Variants in UGP2 observed in about 807,000 individuals in gnomAD.
UGP2 encodes UTP--glucose-1-phosphate uridylyltransferase.
A neutral mutation model predicts 49.0 loss-of-function variants in UGP2; 40 were observed. That is an observed-to-expected ratio of 0.82 (90% CI 0.63 to 1.06). UGP2 has a LOEUF of 1.06. Among genes scored for constraint, UGP2 ranks in the 50% least tolerant of loss-of-function variants. UGP2 has a pLI of 0.00. For missense variants in UGP2, 460 were observed against 603.5 expected, an observed-to-expected ratio of 0.76 and a Z score of 2.49; for synonymous variants, 225 against 213.0, an observed-to-expected ratio of 1.06 and a Z score of -0.49.
intron 3 of UGP2, among the ~76,000 whole-genome samples, chr2:63,858,927 C>T (rs1035758478): frequency 7.3e-4 from 98 of 134,800 alleles, no homozygotes; most frequent in African/African-American, 2.6e-3. Context: ...TAGGAATTAC[C>T]CTAATTTAAG....
intron 2 of UGP2, chr2:63,856,871 G>A (rs35253921): frequency 0.21 from 95,997 of 454,210 alleles, 12,217 homozygotes; most frequent in Non-Finnish European, 0.26. Context: ...TTTTTTACTT[G>A]TAAATCAATA....
At chr2:63,842,721 G>T in intron 1 of UGP2, 1 of 947,006 alleles carries the variant, frequency 1.1e-6, no homozygotes, top group Middle Eastern at 3.6e-4. Context: ...GAAGAAGCTG[G>T]AGGTCATTTC....
chr2:63,871,837 A>T (rs149554153), intron 3 of UGP2, among the ~76,000 whole-genome samples: 230 of 152,328 alleles, frequency 1.5e-3, no homozygotes, highest in African/African-American at 5.3e-3. Flanking sequence ...ATTTTAGGAG[A>T]AGAAGCATGG....
At chr2:63,887,126 A>G (rs1293371485) in intron 7 of UGP2, among the ~76,000 whole-genome samples, 1 of 152,082 alleles carries the variant, frequency 6.6e-6, no homozygotes, top group African/African-American at 2.4e-5. Context: ...CTAGCTGGGT[A>G]GGTGGCACAT....
chr2:63,856,615 A>C (rs935725271), intron 2 of UGP2, 182 bp downstream of exon 2: 1 of 654,914 alleles, frequency 1.5e-6, no homozygotes, highest in Non-Finnish European at 2.6e-6. Context: ...GCCCTTTGTA[A>C]ATCCATTATC....
At chr2:63,883,470 GGT>G (rs1671447189) in intron 4 of UGP2, 1 of 152,564 alleles carries the variant, frequency 6.6e-6, no homozygotes, top group Non-Finnish European at 1.5e-5. Flanking sequence ...TTTCAGCTGG[GGT>G]GTGATTCAAA....
chr2:63,871,229 G>T (rs1182255661), intron 3 of UGP2, among the ~76,000 whole-genome samples: 1 of 151,898 alleles, frequency 6.6e-6, no homozygotes, highest in Non-Finnish European at 1.5e-5. Context: ...TAATCCCCTG[G>T]CAAGCACCAT....
At chr2:63,890,733 A>G (rs764147655) in intron 9 of UGP2, among the ~76,000 whole-genome samples, 27 of 152,204 alleles carry the variant, frequency 1.8e-4, no homozygotes, top group Non-Finnish European at 2.9e-4. Context: ...TCTTATCAGT[A>G]AACTGTTATA....
intron 1 of UGP2, among the ~76,000 whole-genome samples, chr2:63,844,652 C>G (rs1269194524): frequency 6.6e-6 from 1 of 152,162 alleles, no homozygotes; most frequent in Non-Finnish European, 1.5e-5. Flanking sequence ...GCCTTGATCT[C>G]CTTGGCTTAA....
chr2:63,877,184 C>T (rs1670963888), intron 3 of UGP2, among the ~76,000 whole-genome samples: 1 of 151,868 alleles, frequency 6.6e-6, no homozygotes, highest in Non-Finnish European at 1.5e-5. Context: ...CACCATAATG[C>T]ACATCTATAA....
chr2:63,886,622 T>C, intron 7 of UGP2, 84 bp downstream of exon 7: 2 of 1,453,698 alleles, frequency 1.4e-6, no homozygotes, highest in Non-Finnish European at 1.9e-6. Context: ...CCACTCCCTC[T>C]GTCCCATCTA....
At chr2:63,857,736 C>G (rs1267700630) in intron 2 of UGP2, 93 bp from the exon 3 acceptor site, 1 of 1,255,868 alleles carries the variant, frequency 8.0e-7, no homozygotes. Context: ...TTTCATTTAA[C>G]GATATTTTAA....
At chr2:63,889,999 G>A (rs1371752044) in intron 8 of UGP2, 82 bp from the exon 9 acceptor site, 1 of 1,123,086 alleles carries the variant, frequency 8.9e-7, no homozygotes, top group African/African-American at 1.6e-5. Context: ...CTACAGTTCA[G>A]TTAAACTTTC....
intron 3 of UGP2, among the ~76,000 whole-genome samples, chr2:63,863,864 T>C (rs1670009104): frequency 6.6e-6 from 1 of 152,186 alleles, no homozygotes; most frequent in East Asian, 1.9e-4. Flanking sequence ...GTGACTAGAC[T>C]AAATATGGAA....
At chr2:63,842,693 C>A (rs957125564) in intron 1 of UGP2, 1 of 1,208,766 alleles carries the variant, frequency 8.3e-7, no homozygotes, top group Admixed American at 3.4e-5. Context: ...TCACTTATTG[C>A]GAAACTGGGA....
intron 1 of UGP2, among the ~76,000 whole-genome samples, chr2:63,844,923 C>G (rs1184386338): frequency 3.3e-5 from 5 of 152,188 alleles, no homozygotes; most frequent in African/African-American, 1.2e-4. Context: ...TTTGTTGCTT[C>G]TAACATTAAC....
chr2:63,870,732 C>T (rs986645941), intron 3 of UGP2, among the ~76,000 whole-genome samples: 5 of 152,120 alleles, frequency 3.3e-5, no homozygotes, highest in Non-Finnish European at 7.4e-5. Context: ...GGGGAGCTAA[C>T]CTGTTCGTTT....
At chr2:63,871,719 T>C (rs1209552980) in intron 3 of UGP2, among the ~76,000 whole-genome samples, 2 of 152,244 alleles carry the variant, frequency 1.3e-5, no homozygotes, top group African/African-American at 4.8e-5. Flanking sequence ...GGGGGTTGTT[T>C]ATATGGCAGC....
At chr2:63,871,664 C>A (rs1252456781) in intron 3 of UGP2, among the ~76,000 whole-genome samples, 1 of 152,228 alleles carries the variant, frequency 6.6e-6, no homozygotes, top group Non-Finnish European at 1.5e-5. Flanking sequence ...TTACATATTA[C>A]TGGTTTTGCT....
Sources: allele counts gnomAD v4.1 joint callset (sites outside exome capture counted in the v4.1 genomes callset), GRCh38; gene constraint gnomAD v4.1.1; transcripts MANE v1.5; gene names NCBI Gene and HGNC (gene_info 2026-07-23, HGNC 2026-07-21).